TENT2: variants seen among roughly 807,000 people sequenced by gnomAD.
TENT2 encodes the protein poly(A) RNA polymerase GLD2.
In TENT2, 44 loss-of-function variants were observed where a neutral mutation model predicts 72.2. The ratio of observed to expected loss-of-function variants is 0.61; its 90% CI spans 0.48 to 0.78. The LOEUF (loss-of-function observed/expected upper bound fraction) is 0.78. TENT2 is among the 30% of genes least tolerant of loss of function. The pLI is 0.00. For missense variants in TENT2, 541 were observed against 569.6 expected, an observed-to-expected ratio of 0.95 and a Z score of 0.51; for synonymous variants, 212 against 192.5, an observed-to-expected ratio of 1.10 and a Z score of -0.84.
Position 79,684,793 on chromosome 5 carries a change from C to T in TENT2, c.1381-406C>T, listed in dbSNP as rs572875671. On this transcript the variant is annotated intron_variant, in intron 14 of 14. Transcript: ENST00000453514. ...ATAAAAATATGGAGTTTTTAAATAA[C>T]ATTTTCTTTTCTGATGACAGAAACA... Among the ~76,000 whole-genome samples the T allele has an allele frequency of 5.9e-5, 9 of 152,304 alleles. No individual in the cohort carries two copies. The South Asian group carries it at 1.9e-3, about 32-fold the overall frequency.
chr5:79,660,262 C>CT (rs1249177171), intron 11 of TENT2, among the ~76,000 whole-genome samples: 5 of 152,054 alleles, frequency 3.3e-5, no homozygotes, highest in Non-Finnish European at 7.4e-5. Context: ...TTCTTATTGA[C>CT]TTAACGTAGC....
rs751701659 is a variant in TENT2, at chr5:79,648,585, G to GTTTA, written c.822-16_822-13dup. 1.1e-5 allele frequency: 15 copies of GTTTA among 1,423,982 alleles called. No individual in the cohort carries two copies. In the Middle Eastern group the frequency reaches 8.2e-4, roughly 78 times the overall value. The allele number at this position is 1,423,982 out of a possible 1,614,324, so 88.2% of individuals were successfully genotyped here. Reference sequence around the variant, plus strand: ...GAAGTTTTTTTGTTCTTCAGCTAAAGTTTATTTATTTATTTATTTTTTCTT... The same window carrying GTTTA: ...GAAGTTTTTTTGTTCTTCAGCTAAAGTTTATTTATTTATTTATTTATTTTTTCTT... On this transcript the variant is annotated intron_variant, in intron 8 of 14. Coordinates refer to ENST00000453514, the MANE Select transcript of TENT2 (RefSeq NM_001114394.3).
At chr5:79,670,753 G>A (rs1441779286) in intron 12 of TENT2, among the ~76,000 whole-genome samples, 1 of 150,788 alleles carries the variant, frequency 6.6e-6, no homozygotes, top group Non-Finnish European at 1.5e-5. Context: ...AATAGCTAAT[G>A]TTTAGTGAGA....
Position 79,687,680 on chromosome 5 carries a change from T to C in TENT2, c.*2407T>C, listed in dbSNP as rs1178809500. On this transcript the variant is annotated 3_prime_UTR_variant, in exon 15 of 15. Transcript: ENST00000453514. ...CCTCCCAAATATTTTTCATCCTGGT[T>C]GAATTCACAAATCCTACATGGTTAC... 1.3e-5 allele frequency among the ~76,000 whole-genome samples: 2 copies of C among 152,230 alleles called. No homozygotes were observed. Among genetic ancestry groups the C allele is most frequent in the Non-Finnish European group, 2.9e-5 (2 of 68,032 alleles).
intron 4 of TENT2, 44 bp downstream of exon 4, chr5:79,623,533 T>A: frequency 1.5e-6 from 2 of 1,345,278 alleles, no homozygotes; most frequent in Non-Finnish European, 2.1e-6. Context: ...GGGAATTTAG[T>A]ATAAATAATG....
At chr5:79,620,147 A>G (rs1763610659) in intron 3 of TENT2, 64 bp downstream of exon 3, 1 of 1,119,050 alleles carries the variant, frequency 8.9e-7, no homozygotes, top group South Asian at 1.4e-5. Context: ...GTAATGATGT[A>G]TCTTGAATTA....
At chr5:79,677,889 T>C (rs1818451784) in intron 12 of TENT2, among the ~76,000 whole-genome samples, 1 of 152,162 alleles carries the variant, frequency 6.6e-6, no homozygotes, top group African/African-American at 2.4e-5. Flanking sequence ...AGCCTCAACC[T>C]CCCCTTGCTC....
intron 8 of TENT2, among the ~76,000 whole-genome samples, chr5:79,647,437 A>G (rs1287791518): frequency 6.6e-6 from 1 of 152,224 alleles, no homozygotes; most frequent in Non-Finnish European, 1.5e-5. Flanking sequence ...TGGATGTAGT[A>G]CAAATTGGCT....
rs938313901 is a variant in TENT2 at position 79,615,358 on chromosome 5, A to C, written c.-38+2283A>C. Reference sequence around the variant, plus strand: ...TATTCAGTTATAGAGGAAAAACAGCATATTTTTTATAGGTATAAACAAAAG... The same window carrying C: ...TATTCAGTTATAGAGGAAAAACAGCCTATTTTTTATAGGTATAAACAAAAG... On this transcript the variant is annotated intron_variant, in intron 1 of 14. Transcript: ENST00000453514. Among the ~76,000 whole-genome samples, 26 of 152,212 alleles carry C rather than the reference A, an allele frequency of 1.7e-4. 1 individual carries two copies. Among genetic ancestry groups the C allele is most frequent in the African/African-American group, 6.3e-4 (26 of 41,450 alleles).
intron 1 of TENT2, among the ~76,000 whole-genome samples, chr5:79,614,548 G>C (rs1758018312): frequency 6.6e-6 from 1 of 152,188 alleles, no homozygotes; most frequent in Non-Finnish European, 1.5e-5. Context: ...TTGTGGAACT[G>C]ATAACTTTTA....
chr5:79,643,853 A>G (rs1786436076), intron 7 of TENT2, among the ~76,000 whole-genome samples: 1 of 152,038 alleles, frequency 6.6e-6, no homozygotes, highest in Non-Finnish European at 1.5e-5. Flanking sequence ...ACTGGTGATC[A>G]ATGGATTTAG....
intron 8 of TENT2, among the ~76,000 whole-genome samples, chr5:79,646,769 CTT>C (rs148646986): frequency 0.21 from 29,449 of 137,290 alleles, 4,287 homozygotes; most frequent in African/African-American, 0.43. Flanking sequence ...TGTTCCTAAG[CTT>C]TTTTTTTTTT....
intron 12 of TENT2, among the ~76,000 whole-genome samples, chr5:79,670,002 G>A (rs906813150): frequency 6.6e-6 from 1 of 151,856 alleles, no homozygotes; most frequent in African/African-American, 2.4e-5. Flanking sequence ...GCCGAGGCAG[G>A]TGAGGTCGCG....
intron 4 of TENT2, among the ~76,000 whole-genome samples, chr5:79,625,805 A>G (rs1000368353): frequency 2.6e-5 from 4 of 151,436 alleles, no homozygotes; most frequent in Non-Finnish European, 4.4e-5. Context: ...AAACTGAGAA[A>G]AGATTAACTT....
chr5:79,643,905 C>G (rs1014958923), intron 7 of TENT2, among the ~76,000 whole-genome samples: 9 of 151,612 alleles, frequency 5.9e-5, no homozygotes, highest in African/African-American at 2.2e-4. Flanking sequence ...AGAACCTGTA[C>G]TTATTACTCA....
rs10514164 is a variant in TENT2 at position 79,668,906 on chromosome 5, T to G, written c.1086T>G (p.Pro362=). 31,544 of 1,612,488 alleles carry G rather than the reference T, an allele frequency of 0.02. 1,585 individuals are homozygous for G. Among genetic ancestry groups the G allele is most frequent in the Admixed American group, 0.19 (11,540 of 59,932 alleles). The change falls in exon 12 of 15, where the codon CCT becomes CCG. Residue 362 remains proline, a synonymous_variant. Coordinates refer to ENST00000453514, the MANE Select transcript of TENT2 (RefSeq NM_001114394.3). The part of the protein sequence containing the change: ...LQKIYPESFS[P]AIQLHLVHQA... Reference sequence around the variant, plus strand: ...CTTTTTGACAGGAGTCTTTTAGTCCTGCTATACAGCTGCACCTTGTACATC... The same window carrying G: ...CTTTTTGACAGGAGTCTTTTAGTCCGGCTATACAGCTGCACCTTGTACATC...
intron 11 of TENT2, among the ~76,000 whole-genome samples, chr5:79,664,197 G>A (rs1354513471): frequency 2.6e-5 from 4 of 151,944 alleles, no homozygotes; most frequent in Non-Finnish European, 4.4e-5. Flanking sequence ...GAATACCAAG[G>A]GACAACTGTA....
intron 4 of TENT2, among the ~76,000 whole-genome samples, chr5:79,624,640 A>G (rs1056131177): frequency 2.0e-5 from 3 of 152,182 alleles, no homozygotes; most frequent in African/African-American, 7.2e-5. Context: ...GACATTTTAT[A>G]TAAATGAAAT....
Position 79,612,621 on chromosome 5 carries a change from A to T in TENT2, c.-492A>T, listed in dbSNP as rs1580109003. On this transcript the variant is annotated 5_prime_UTR_variant, in exon 1 of 15. Coordinates refer to ENST00000453514, the MANE Select transcript of TENT2 (RefSeq NM_001114394.3). ...GTGAGGGGGGTTAGATCTCAGCCGG[A>T]GCCGGAGCTGGGCCTAGCTGTCCCA... 1 of 153,282 alleles carries T rather than the reference A, an allele frequency of 6.5e-6. No homozygotes were observed. The highest frequency in any genetic ancestry group is 2.4e-5 in the African/African-American group (1 of 41,538). 9.5% of individuals were successfully genotyped at this position (153,282 alleles called of 1,614,324 possible).
Sources: allele counts gnomAD v4.1 joint callset (sites outside exome capture counted in the v4.1 genomes callset), GRCh38; gene constraint gnomAD v4.1.1; transcripts MANE v1.5; gene names NCBI Gene and HGNC (gene_info 2026-07-23, HGNC 2026-07-21).